SLC2A12: variants seen among roughly 807,000 people sequenced by gnomAD.
SLC2A12 encodes solute carrier family 2, facilitated glucose transporter member 12.
A neutral mutation model predicts 41.8 loss-of-function variants in SLC2A12; 23 were observed. That is an observed-to-expected ratio of 0.55 (90% CI 0.40 to 0.78). The LOEUF is 0.78. Ranked by LOEUF, SLC2A12 falls within the 30% of genes least tolerant of loss-of-function variation. The probability of loss-of-function intolerance (pLI) is 0.00; values close to 1 mark genes in which losing one functional copy is unlikely to be tolerated. For missense variants in SLC2A12, 654 were observed against 745.6 expected (o/e 0.88, Z 1.43); for synonymous variants, 295 against 285.9 (o/e 1.03, Z -0.32).
Position 134,029,532 on chromosome 6 carries a change from C to T in SLC2A12, c.293G>A (p.Gly98Glu). The T allele has an allele frequency of 6.2e-7, 1 of 1,614,144 alleles. No homozygotes were observed. Among genetic ancestry groups the T allele is most frequent in the Non-Finnish European group, 8.5e-7 (1 of 1,180,032 alleles). Reference sequence around the variant, plus strand: ...TCTTCCATATCTGTCTATCAGGACCCCTCCGGTGAGTGAGGCAAGGAGGGC... The same window carrying T: ...TCTTCCATATCTGTCTATCAGGACCTCTCCGGTGAGTGAGGCAAGGAGGGC... Reference protein sequence around the residue: ...IGALLASLTGGVLIDRYGRRT... With the variant: ...IGALLASLTGEVLIDRYGRRT... Residue 98 changes from glycine (G) to glutamate (E), a missense_variant, in exon 2 of 5, where the codon GGG becomes GAG. Gly to Glu is a moderately conservative substitution (Grantham distance 98). Transcript: ENST00000275230.
chr6:134,041,629 G>A (rs1777382526), intron 1 of SLC2A12, among the ~76,000 whole-genome samples: 1 of 152,096 alleles, frequency 6.6e-6, no homozygotes, highest in Admixed American at 6.5e-5. Flanking sequence ...TCCCTTCCTT[G>A]CTTGGTGAAG....
intron 4 of SLC2A12, among the ~76,000 whole-genome samples, chr6:133,992,196 G>T (rs1023873462): frequency 2.0e-5 from 3 of 152,162 alleles, no homozygotes; most frequent in African/African-American, 7.2e-5. Context: ...TGTGCGTGAT[G>T]ATAATCCCAT....
intron 1 of SLC2A12, among the ~76,000 whole-genome samples, chr6:134,034,993 G>T (rs1192167723): frequency 6.6e-6 from 1 of 151,962 alleles, no homozygotes; most frequent in Non-Finnish European, 1.5e-5. Flanking sequence ...ACTACCTGGA[G>T]GCTTGTAAGT....
chr6:133,995,440 A>G (rs1209765470), intron 4 of SLC2A12, among the ~76,000 whole-genome samples: 1 of 152,036 alleles, frequency 6.6e-6, no homozygotes, highest in Non-Finnish European at 1.5e-5. Context: ...TTTCCCCCTG[A>G]TTATGTCCAT....
At chr6:134,038,868 C>T (rs915663979) in intron 1 of SLC2A12, among the ~76,000 whole-genome samples, 21 of 151,850 alleles carry the variant, frequency 1.4e-4, no homozygotes, top group African/African-American at 4.6e-4. Flanking sequence ...CCACGCCTGG[C>T]TAATTTTTAT....
In SLC2A12 at chr6:134,029,563, T is replaced by C. The variant is rs1777169339; in HGVS notation, c.262A>G (p.Ile88Val). 1 of 1,614,024 alleles carries C rather than the reference T, an allele frequency of 6.2e-7. No homozygotes were observed. Among genetic ancestry groups the C allele is most frequent in the South Asian group, 1.1e-5 (1 of 91,092 alleles). ...GTGAGTGAGGCAAGGAGGGCTCCAA[T>C]GACGAGGGAGCTCACAACCATTTCC... ...EQEMVVSSLV[I>V]GALLASLTGG... The change falls in exon 2 of 5, where the codon ATT becomes GTT. Residue 88 changes from isoleucine (I) to valine (V), a missense_variant. Ile to Val is a conservative substitution (Grantham distance 29, BLOSUM62 3). Coordinates refer to ENST00000275230, the MANE Select transcript of SLC2A12 (RefSeq NM_145176.3).
At chr6:133,999,023 G>A (rs1290011974) in intron 4 of SLC2A12, among the ~76,000 whole-genome samples, 2 of 152,154 alleles carry the variant, frequency 1.3e-5, no homozygotes, top group Admixed American at 1.3e-4. Flanking sequence ...AGTTACATAA[G>A]AAAGATAATG....
intron 4 of SLC2A12, among the ~76,000 whole-genome samples, chr6:133,997,697 A>G (rs1215947356): frequency 6.6e-6 from 1 of 152,186 alleles, no homozygotes; most frequent in Non-Finnish European, 1.5e-5. Context: ...CCTATTGGGT[A>G]CTATGTTCAC....
intron 1 of SLC2A12, among the ~76,000 whole-genome samples, chr6:134,047,432 T>C (rs182779443): frequency 4.6e-4 from 70 of 152,294 alleles, no homozygotes; most frequent in African/African-American, 1.6e-3. Flanking sequence ...TATTCTTGAA[T>C]GAATAATAAA....
chr6:134,005,643 GA>G (rs1205209932), intron 3 of SLC2A12, among the ~76,000 whole-genome samples: 1 of 116,466 alleles, frequency 8.6e-6, no homozygotes, highest in Non-Finnish European at 1.6e-5. Context: ...CTGGGCAAGA[GA>G]GTGAGACTCT....
chr6:133,999,605 A>G (rs933504174), intron 4 of SLC2A12, among the ~76,000 whole-genome samples: 4 of 152,142 alleles, frequency 2.6e-5, no homozygotes, highest in African/African-American at 9.7e-5. Context: ...CTCCTCAAGG[A>G]TGAGAAGCCA....
At chr6:134,043,534 C>T (rs907228313) in intron 1 of SLC2A12, among the ~76,000 whole-genome samples, 8 of 152,084 alleles carry the variant, frequency 5.3e-5, no homozygotes, top group Non-Finnish European at 7.4e-5. Context: ...GTGGCTCACA[C>T]GTGCAATCCC....
Position 133,992,801 on chromosome 6 carries a change from G to T in SLC2A12, c.1701-1493C>A, listed in dbSNP as rs1043007114. Among the ~76,000 whole-genome samples the T allele has an allele frequency of 3.9e-5, 6 of 152,278 alleles. No individual in the cohort carries two copies. The East Asian group carries it at 7.7e-4, about 20-fold the overall frequency. On this transcript the variant is annotated intron_variant, in intron 4 of 4. Coordinates refer to ENST00000275230, the MANE Select transcript of SLC2A12 (RefSeq NM_145176.3). ...GAAGTGCCAGTACTTGAGGAAGTGG[G>T]CTGGAGAGATGAGTGGTTAGAGGGT...
At chr6:133,994,418 A>G (rs1319124314) in intron 4 of SLC2A12, among the ~76,000 whole-genome samples, 2 of 152,212 alleles carry the variant, frequency 1.3e-5, no homozygotes, top group Admixed American at 1.3e-4. Context: ...AGACCCTGGC[A>G]TATCAATGAG....
chr6:134,046,277 C>G (rs1235269314), intron 1 of SLC2A12, among the ~76,000 whole-genome samples: 3 of 152,190 alleles, frequency 2.0e-5, no homozygotes, highest in Non-Finnish European at 4.4e-5. Context: ...CATGAGTTGT[C>G]TGAGAAGCAG....
At chr6:134,036,065 C>T (rs1777294286) in intron 1 of SLC2A12, among the ~76,000 whole-genome samples, 3 of 152,202 alleles carry the variant, frequency 2.0e-5, no homozygotes, top group Admixed American at 6.5e-5. Context: ...CTTTCTTCCC[C>T]ATATGCCTTT....
At position 133,992,896 on chromosome 6, in the gene SLC2A12, T is replaced by C. The variant is rs139351451; in HGVS notation, c.1701-1588A>G. On this transcript the variant is annotated intron_variant, in intron 4 of 4. Transcript: ENST00000275230. ...GGGCATGACCATCCTGCTTTTCTGT[T>C]CCCCTTCACAGCAAAATTGATGTAA... Among the ~76,000 whole-genome samples the C allele has an allele frequency of 3.1e-3, 474 of 152,256 alleles. 2 individuals carry two copies. The highest frequency in any genetic ancestry group is 0.01 in the African/African-American group (436 of 41,532).
chr6:133,992,664 A>G (rs1322367074), intron 4 of SLC2A12, among the ~76,000 whole-genome samples: 2 of 152,100 alleles, frequency 1.3e-5, no homozygotes, highest in African/African-American at 2.4e-5. Flanking sequence ...GAGTAAAGGG[A>G]GAAGGGGAAA....
chr6:134,000,608 G>T (rs1194337822), intron 4 of SLC2A12, among the ~76,000 whole-genome samples: 1 of 152,080 alleles, frequency 6.6e-6, no homozygotes, highest in Non-Finnish European at 1.5e-5. Context: ...TTTCTAAATG[G>T]AACGACGTAA....
Sources: allele counts gnomAD v4.1 joint callset (sites outside exome capture counted in the v4.1 genomes callset), GRCh38; gene constraint gnomAD v4.1.1; transcripts MANE v1.5; gene names NCBI Gene and HGNC (gene_info 2026-07-23, HGNC 2026-07-21).